Variants in CDCA7L observed in about 807,000 individuals in gnomAD.
CDCA7L encodes the protein cell division cycle-associated 7-like protein.
A neutral mutation model predicts 57.4 loss-of-function variants in CDCA7L; 44 were observed. That is an observed-to-expected ratio of 0.77 (90% CI 0.60 to 0.98). The LOEUF (loss-of-function observed/expected upper bound fraction) is 0.98, where lower values mean the gene tolerates loss of function less well. Ranked by LOEUF, CDCA7L falls within the 50% of genes least tolerant of loss-of-function variation. The pLI is 0.00. For missense variants in CDCA7L, 644 were observed against 580.6 expected, an observed-to-expected ratio of 1.11 and a Z score of -1.12; for synonymous variants, 236 against 202.8, an observed-to-expected ratio of 1.16 and a Z score of -1.39.
chr7:21,942,334 T>C (rs937912960), intron 1 of CDCA7L, among the ~76,000 whole-genome samples: 1 of 152,214 alleles, frequency 6.6e-6, no homozygotes, highest in East Asian at 1.9e-4. Context: ...TTACCAAATA[T>C]GCCTCTGAAT....
intron 1 of CDCA7L, among the ~76,000 whole-genome samples, chr7:21,931,320 A>G (rs534458234): frequency 1.9e-4 from 29 of 152,338 alleles, no homozygotes; most frequent in African/African-American, 6.5e-4. Context: ...CAGAGACACA[A>G]CAAAAAAAGA....
At position 21,901,406 on chromosome 7, in the gene CDCA7L, A is replaced by G; in HGVS notation, c.*916T>C. On this transcript the variant is annotated 3_prime_UTR_variant, in exon 10 of 10. Coordinates refer to ENST00000406877, the MANE Select transcript of CDCA7L (RefSeq NM_018719.5). Reference sequence around the variant, plus strand: ...CTATCCTTAGAGTGAAAGTCAGAAAAAAATACTAGAAACTAACTCAGGGCT... The same window carrying G: ...CTATCCTTAGAGTGAAAGTCAGAAAGAAATACTAGAAACTAACTCAGGGCT... The G allele has an allele frequency of 8.9e-7, 1 of 1,121,170 alleles. No homozygotes were observed. The highest frequency in any genetic ancestry group is 1.2e-6 in the Non-Finnish European group (1 of 854,744). The allele number at this position is 1,121,170 out of a possible 1,614,324, so 69.5% of individuals were successfully genotyped here.
Position 21,935,674 on chromosome 7 carries a change from C to T in CDCA7L, c.24+10107G>A, listed in dbSNP as rs139968990. Among the ~76,000 whole-genome samples, 9 of 152,022 alleles carry T rather than the reference C, an allele frequency of 5.9e-5. No individual in the cohort carries two copies. The East Asian group carries it at 1.2e-3, about 20-fold the overall frequency. On this transcript the variant is annotated intron_variant, in intron 1 of 9. Transcript: ENST00000406877. ...ATACAGAGAAAACTCAAATTACTAA[C>T]GTTAGTAATGAAATTGGACATTACT...
intron 7 of CDCA7L, among the ~76,000 whole-genome samples, chr7:21,904,495 G>C (rs373355806): frequency 6.6e-6 from 1 of 150,864 alleles, no homozygotes; most frequent in African/African-American, 2.4e-5. Context: ...AGTGAGCAGC[G>C]GACGGGCGAG....
At chr7:21,907,682 A>C (rs1324120976) in intron 4 of CDCA7L, among the ~76,000 whole-genome samples, 2 of 152,192 alleles carry the variant, frequency 1.3e-5, no homozygotes, top group African/African-American at 4.8e-5. Flanking sequence ...CAGAAGTCTC[A>C]GAACCAGTGC....
chr7:21,924,667 G>A (rs1429223291), intron 1 of CDCA7L, among the ~76,000 whole-genome samples: 2 of 152,154 alleles, frequency 1.3e-5, no homozygotes, highest in Non-Finnish European at 2.9e-5. Flanking sequence ...GAAAATCTTT[G>A]TGACCTTAAG....
intron 1 of CDCA7L, among the ~76,000 whole-genome samples, chr7:21,917,628 T>C (rs1267323796): frequency 6.6e-6 from 1 of 152,204 alleles, no homozygotes; most frequent in Non-Finnish European, 1.5e-5. Context: ...TCTAGACCCA[T>C]TATTGGTCAC....
At chr7:21,912,112 A>C (rs1785348935) in intron 2 of CDCA7L, among the ~76,000 whole-genome samples, 1 of 152,014 alleles carries the variant, frequency 6.6e-6, no homozygotes, top group South Asian at 2.1e-4. Context: ...AAATACAAAA[A>C]TTAGCTGGGT....
At chr7:21,944,873 T>TG (rs1301135850) in intron 1 of CDCA7L, 3 of 131,328 alleles carry the variant, frequency 2.3e-5, no homozygotes, top group African/African-American at 5.8e-5. Flanking sequence ...ATAAAACAAG[T>TG]GGAAAAAAAA....
chr7:21,929,467 A>C (rs1785934369), intron 1 of CDCA7L, among the ~76,000 whole-genome samples: 1 of 152,068 alleles, frequency 6.6e-6, no homozygotes. Flanking sequence ...ATTAATCTTA[A>C]GTGTAAATGG....
Position 21,906,337 on chromosome 7 carries a change from A to AT in CDCA7L, c.872_873insA (p.Lys292Ter), listed in dbSNP as rs748897088. The AT allele has an allele frequency of 6.2e-7, 1 of 1,610,840 alleles. No homozygotes were observed. Among genetic ancestry groups the AT allele is most frequent in the Non-Finnish European group, 8.5e-7 (1 of 1,178,650 alleles). On this transcript the variant is annotated frameshift_variant, in exon 6 of 10. Coordinates refer to ENST00000406877, the MANE Select transcript of CDCA7L (RefSeq NM_018719.5). LOFTEE classifies it high-confidence loss of function. The stretch of plus-strand genomic sequence containing the variant: ...AGCTGTAAAACTCTTCCGCAAATTT[A>AT]GCGGCTGAGACAGTGAAGTTCTCTA...
In CDCA7L at chr7:21,901,424, T is replaced by C; in HGVS notation, c.*898A>G. Reference sequence around the variant, plus strand: ...TCAGAAAAAAATACTAGAAACTAACTCAGGGCTGAGCGTGGTGGCACACGA... The same window carrying C: ...TCAGAAAAAAATACTAGAAACTAACCCAGGGCTGAGCGTGGTGGCACACGA... On this transcript the variant is annotated 3_prime_UTR_variant, in exon 10 of 10. Transcript: ENST00000406877. The C allele has an allele frequency of 1.0e-6, 1 of 985,288 alleles. No individual in the cohort carries two copies. 61.0% of individuals were successfully genotyped at this position (985,288 alleles called of 1,614,324 possible).
intron 1 of CDCA7L, among the ~76,000 whole-genome samples, chr7:21,919,330 C>A (rs1310380458): frequency 2.0e-5 from 3 of 152,090 alleles, no homozygotes; most frequent in Non-Finnish European, 4.4e-5. Flanking sequence ...CCATTGGGAG[C>A]TTCTTGGAAA....
chr7:21,919,014 G>T lies in CDCA7L; in HGVS notation c.25-2120C>A, dbSNP rs147153623. ...TATTTTTTATTTTAATAAAGACAGG[G>T]TCTATGTTACCCAGGCTGGTCTCAA... On this transcript the variant is annotated intron_variant, in intron 1 of 9. Transcript: ENST00000406877. Among the ~76,000 whole-genome samples, 43 of 152,006 alleles carry T rather than the reference G, an allele frequency of 2.8e-4. 1 individual carries two copies. In the East Asian group the frequency reaches 7.2e-3, roughly 25 times the overall value.
chr7:21,925,808 G>A (rs1197285641), intron 1 of CDCA7L, among the ~76,000 whole-genome samples: 1 of 152,080 alleles, frequency 6.6e-6, no homozygotes, highest in Non-Finnish European at 1.5e-5. Flanking sequence ...GATTGATTGA[G>A]CCCAGGAGTT....
intron 1 of CDCA7L, among the ~76,000 whole-genome samples, chr7:21,921,514 C>T (rs1785652055): frequency 6.6e-6 from 1 of 152,016 alleles, no homozygotes; most frequent in African/African-American, 2.4e-5. Flanking sequence ...ATACATTAGG[C>T]CCAAGGATCT....
In CDCA7L at chr7:21,908,445, ATCTTCC is replaced by A. The variant is rs1167312043; in HGVS notation, c.360_365del (p.Glu120_Glu121del). The A allele has an allele frequency of 3.8e-6, 6 of 1,570,714 alleles. No individual in the cohort carries two copies. The highest frequency in any genetic ancestry group is 1.4e-5 in the African/African-American group (1 of 72,226). ...TAGGGGTAGCCTTATCTTCTTCTTC[ATCTTCC>A]TCTTCCTCGCTCACCAAAGATGCTT... On this transcript the variant is annotated inframe_deletion, in exon 4 of 10. Coordinates refer to ENST00000406877, the MANE Select transcript of CDCA7L (RefSeq NM_018719.5).
chr7:21,928,148 A>G (rs1785884303), intron 1 of CDCA7L, among the ~76,000 whole-genome samples: 1 of 151,894 alleles, frequency 6.6e-6, no homozygotes, highest in Non-Finnish European at 1.5e-5. Context: ...CTGTTCTGCA[A>G]CCTCGCAAAC....
intron 1 of CDCA7L, among the ~76,000 whole-genome samples, chr7:21,918,455 C>A (rs113927863): frequency 1.0e-3 from 156 of 152,342 alleles, no homozygotes; most frequent in African/African-American, 3.4e-3. Flanking sequence ...TTATCTGCAT[C>A]ATGATCCAAA....
Sources: allele counts gnomAD v4.1 joint callset (sites outside exome capture counted in the v4.1 genomes callset), GRCh38; gene constraint gnomAD v4.1.1; transcripts MANE v1.5; gene names NCBI Gene and HGNC (gene_info 2026-07-23, HGNC 2026-07-21).